LRRC4C: variants seen among roughly 807,000 people sequenced by gnomAD.
LRRC4C encodes leucine rich repeat containing 4C, also known as leucine-rich repeat-containing protein 4C.
LRRC4C carries 5 observed loss-of-function variants against 33.6 expected under a neutral mutation model. The ratio of observed to expected loss-of-function variants is 0.15; its 90% CI spans 0.08 to 0.31. LRRC4C has a LOEUF of 0.31. LRRC4C is among the 10% of genes least tolerant of loss of function. The pLI is 1.00. For missense variants in LRRC4C, 560 were observed against 796.7 expected (o/e 0.70, Z 3.58); for synonymous variants, 329 against 302.0 (o/e 1.09, Z -0.93).
At chr11:40,991,557 T>A (rs1235321999) in intron 1 of LRRC4C, among the ~76,000 whole-genome samples, 1 of 152,182 alleles carries the variant, frequency 6.6e-6, no homozygotes, top group Non-Finnish European at 1.5e-5. Context: ...TATTATTACA[T>A]TGTAATATAT....
At chr11:40,340,265 A>G (rs1590367502) in intron 3 of LRRC4C, among the ~76,000 whole-genome samples, 1 of 152,180 alleles carries the variant, frequency 6.6e-6, no homozygotes, top group Non-Finnish European at 1.5e-5. Flanking sequence ...TTTTTTTCAC[A>G]TGGTCAGAAA....
intron 2 of LRRC4C, among the ~76,000 whole-genome samples, chr11:40,777,977 C>T (rs1244712531): frequency 4.6e-5 from 7 of 152,096 alleles, no homozygotes; most frequent in South Asian, 2.1e-4. Context: ...CATGAGCCAC[C>T]GCTCCCGGCC....
chr11:41,292,743 C>T (rs991038090), intron 1 of LRRC4C, among the ~76,000 whole-genome samples: 1 of 152,026 alleles, frequency 6.6e-6, no homozygotes, highest in Non-Finnish European at 1.5e-5. Flanking sequence ...CTCAATTAAT[C>T]CTTTGGATCA....
In LRRC4C at chr11:41,208,442, G is replaced by T. The variant is rs139133735; in HGVS notation, c.-496+250989C>A. 4.1e-4 allele frequency among the ~76,000 whole-genome samples: 63 copies of T among 152,288 alleles called. 2 individuals carry two copies. In the East Asian group the frequency reaches 0.012, roughly 29 times the overall value. On this transcript the variant is annotated intron_variant, in intron 1 of 6. Coordinates refer to ENST00000528697, the MANE Select transcript of LRRC4C (RefSeq NM_001258419.2). Reference sequence around the variant, plus strand: ...ATGTTGCCAAAAAATGAGAAAGTGTGCTCTGGATGAAACACATAGGATGAG... The same window carrying T: ...ATGTTGCCAAAAAATGAGAAAGTGTTCTCTGGATGAAACACATAGGATGAG...
intron 3 of LRRC4C, among the ~76,000 whole-genome samples, chr11:40,498,268 TA>T (rs1359208940): frequency 6.6e-6 from 1 of 152,134 alleles, no homozygotes; most frequent in Non-Finnish European, 1.5e-5. Context: ...CTCCTGGAAG[TA>T]ACGCTACAAC....
At position 41,445,866 on chromosome 11, in the gene LRRC4C, A is replaced by ATGTGTGTGTGTGTCTGTGTGTG. The variant is rs536111711; in HGVS notation, c.-496+13564_-496+13565insCACACACAGACACACACACACA. 3.0e-3 allele frequency among the ~76,000 whole-genome samples: 448 copies of ATGTGTGTGTGTGTCTGTGTGTG among 149,838 alleles called. 2 individuals carry two copies. The highest frequency in any genetic ancestry group is 9.9e-3 in the African/African-American group (403 of 40,764). On this transcript the variant is annotated intron_variant, in intron 1 of 6. Transcript: ENST00000528697. ...ACAGTGTGTATGAATGAGTGACTGC[A>ATGTGTGTGTGTGTCTGTGTGTG]TGTGTGTGTGTGTGTGTGTGTGTGT...
intron 1 of LRRC4C, among the ~76,000 whole-genome samples, chr11:41,325,565 A>AG (rs1446488242): frequency 9.0e-4 from 30 of 33,332 alleles, no homozygotes; most frequent in Middle Eastern, 0.02. Flanking sequence ...TTGTCCTTAT[A>AG]GTTTTTTTTT....
intron 4 of LRRC4C, among the ~76,000 whole-genome samples, chr11:40,266,161 G>T (rs1287038214): frequency 6.6e-6 from 1 of 151,980 alleles, no homozygotes; most frequent in African/African-American, 2.4e-5. Context: ...AGCCAGGCAC[G>T]GTTGGGTGGC....
chr11:40,267,516 T>A (rs1942367212), intron 4 of LRRC4C, among the ~76,000 whole-genome samples: 1 of 152,116 alleles, frequency 6.6e-6, no homozygotes, highest in African/African-American at 2.4e-5. Flanking sequence ...CACACCCGGC[T>A]AATTTTTTGT....
intron 3 of LRRC4C, among the ~76,000 whole-genome samples, chr11:40,593,663 C>T (rs902633511): frequency 2.6e-5 from 4 of 152,102 alleles, no homozygotes; most frequent in African/African-American, 9.7e-5. Flanking sequence ...TCAGTTTTTC[C>T]ATCTGGCAAA....
At chr11:40,204,906 A>G (rs546842380) in intron 5 of LRRC4C, among the ~76,000 whole-genome samples, 3 of 152,296 alleles carry the variant, frequency 2.0e-5, no homozygotes, top group East Asian at 1.9e-4. Context: ...CCCAGCACCT[A>G]TCTTCTTGGG....
intron 1 of LRRC4C, among the ~76,000 whole-genome samples, chr11:41,371,453 G>A (rs1952743252): frequency 6.6e-6 from 1 of 152,130 alleles, no homozygotes; most frequent in African/African-American, 2.4e-5. Context: ...GGCTTTTCGT[G>A]TTAGAAGTCA....
intron 1 of LRRC4C, among the ~76,000 whole-genome samples, chr11:40,987,637 A>ATATAT: frequency 1.3e-5 from 1 of 76,492 alleles, no homozygotes; most frequent in South Asian, 5.6e-4. Flanking sequence ...AATGATATAT[A>ATATAT]TATATATATA....
chr11:40,790,166 T>A (rs1378677952), intron 2 of LRRC4C, among the ~76,000 whole-genome samples: 1 of 152,138 alleles, frequency 6.6e-6, no homozygotes, highest in East Asian at 1.9e-4. Flanking sequence ...ATTTCGTAAG[T>A]GGATTGGAGA....
At chr11:40,167,244 T>A (rs769714879) in intron 5 of LRRC4C, among the ~76,000 whole-genome samples, 7 of 152,154 alleles carry the variant, frequency 4.6e-5, no homozygotes, top group Admixed American at 3.9e-4. Flanking sequence ...ATAGCCTCTG[T>A]TTCGACCACT....
At chr11:41,084,131 T>G (rs1939782101) in intron 1 of LRRC4C, among the ~76,000 whole-genome samples, 1 of 152,184 alleles carries the variant, frequency 6.6e-6, no homozygotes, top group Non-Finnish European at 1.5e-5. Context: ...CCAGTGTATC[T>G]GCTCAAGAAA....
chr11:40,208,036 A>G (rs574061585), intron 5 of LRRC4C, among the ~76,000 whole-genome samples: 1 of 152,272 alleles, frequency 6.6e-6, no homozygotes, highest in African/African-American at 2.4e-5. Flanking sequence ...ATGATACTAC[A>G]TCAGTCCATG....
chr11:40,517,291 AAG>A (rs1286069730), intron 3 of LRRC4C, among the ~76,000 whole-genome samples: 1 of 152,188 alleles, frequency 6.6e-6, no homozygotes, highest in Non-Finnish European at 1.5e-5. Context: ...GTGAAACAAA[AAG>A]AGGTTCAATC....
intron 2 of LRRC4C, among the ~76,000 whole-genome samples, chr11:40,789,737 A>C (rs1447449751): frequency 6.6e-6 from 1 of 152,208 alleles, no homozygotes; most frequent in Non-Finnish European, 1.5e-5. Flanking sequence ...AAGTCTTTTC[A>C]TTCAACATAT....
Sources: allele counts gnomAD v4.1 joint callset (sites outside exome capture counted in the v4.1 genomes callset), GRCh38; gene constraint gnomAD v4.1.1; transcripts MANE v1.5; gene names NCBI Gene and HGNC (gene_info 2026-07-23, HGNC 2026-07-21).